Variants in COL4A3 observed in about 807,000 individuals in gnomAD.
The protein encoded by COL4A3 is collagen type IV alpha 3 chain.
A neutral mutation model predicts 217.4 loss-of-function variants in COL4A3; 135 were observed. The observed-to-expected ratio is 0.62, with a 90% CI of 0.54 to 0.72. COL4A3 has a LOEUF of 0.72. Among genes scored for constraint, COL4A3 ranks in the 30% least tolerant of loss-of-function variants. The pLI is 0.00. For synonymous variants in COL4A3, 690 were observed against 736.3 expected (o/e 0.94, Z 1.02); for missense variants, 1,868 against 2,119.9 (o/e 0.88, Z 2.33).
chr2:227,256,445 G>T (rs1282430241), intron 17 of COL4A3, 49 bp downstream of exon 17: 2 of 1,516,286 alleles, frequency 1.3e-6, no homozygotes, highest in Non-Finnish European at 1.8e-6. Flanking sequence ...TTTTGCCTGT[G>T]CTTTTACTTT....
intron 5 of COL4A3, among the ~76,000 whole-genome samples, chr2:227,245,331 C>T (rs980514313): frequency 6.6e-6 from 1 of 151,822 alleles, no homozygotes; most frequent in Admixed American, 6.6e-5. Context: ...AAAAATTGTA[C>T]AAACCTAAAA....
intron 26 of COL4A3, among the ~76,000 whole-genome samples, chr2:227,274,662 C>T (rs1047058165): frequency 2.3e-4 from 35 of 152,158 alleles, no homozygotes; most frequent in African/African-American, 7.5e-4. Flanking sequence ...CCATGCCAGG[C>T]GAATTTTTAT....
chr2:227,232,570 T>C (rs991236507), intron 1 of COL4A3, among the ~76,000 whole-genome samples: 1 of 152,210 alleles, frequency 6.6e-6, no homozygotes, highest in African/African-American at 2.4e-5. Flanking sequence ...CCATTTTAAC[T>C]GGGGTGAGAT....
intron 1 of COL4A3, among the ~76,000 whole-genome samples, chr2:227,237,612 C>A (rs2068772486): frequency 6.6e-6 from 1 of 152,034 alleles, no homozygotes; most frequent in Non-Finnish European, 1.5e-5. Flanking sequence ...TAGATATTAT[C>A]CTGAAAAAAA....
intron 1 of COL4A3, among the ~76,000 whole-genome samples, chr2:227,223,550 A>G (rs1307218232): frequency 7.7e-6 from 1 of 130,272 alleles, no homozygotes; most frequent in African/African-American, 2.6e-5. Flanking sequence ...CCTGACCAAC[A>G]TGGTGAGACG....
intron 50 of COL4A3, among the ~76,000 whole-genome samples, 174 bp from the exon 51 acceptor site, chr2:227,310,602 G>T (rs958318671): frequency 6.6e-6 from 1 of 152,178 alleles, no homozygotes; most frequent in African/African-American, 2.4e-5. Context: ...TTACAGGTGT[G>T]AGTCACTGCG....
chr2:227,303,998 T>G, intron 45 of COL4A3, 21 bp from the exon 46 acceptor site: 1 of 1,614,236 alleles, frequency 6.2e-7, no homozygotes, highest in Non-Finnish European at 8.5e-7. Flanking sequence ...CATCATCTTC[T>G]TCTTATGTTT....
At chr2:227,218,330 G>T (rs1312918016) in intron 1 of COL4A3, among the ~76,000 whole-genome samples, 1 of 151,990 alleles carries the variant, frequency 6.6e-6, no homozygotes, top group Non-Finnish European at 1.5e-5. Flanking sequence ...GCCGGGCGTG[G>T]TGGTGGGCGC....
At chr2:227,249,230 A>ATATATATTTTTTTT in intron 9 of COL4A3, among the ~76,000 whole-genome samples, 1 of 14,692 alleles carries the variant, frequency 6.8e-5, no homozygotes, top group African/African-American at 2.7e-4. Context: ...ATATATATAT[A>ATATATATTTTTTTT]TTTTTTTTTT....
intron 1 of COL4A3, among the ~76,000 whole-genome samples, chr2:227,228,289 G>C (rs1269253840): frequency 6.6e-6 from 1 of 152,236 alleles, no homozygotes; most frequent in Admixed American, 6.5e-5. Flanking sequence ...ATGGTGCCAG[G>C]GCACATGGTT....
rs950553574 is a variant in COL4A3, at chr2:227,240,223, G to GGGAC, written c.226_229dup (p.Pro77ArgfsTer54). 2 of 1,609,650 alleles carry GGGAC rather than the reference G, an allele frequency of 1.2e-6. No homozygotes were observed. The highest frequency in any genetic ancestry group is 2.7e-5 in the African/African-American group (2 of 74,854). ...GTCCTGAAGGCTTGCCTGGACCGCAGGGACCCAAGGTATGTCATCCTGCAA... is the reference window on the plus strand; with the variant it reads ...GTCCTGAAGGCTTGCCTGGACCGCAGGGACGGACCCAAGGTATGTCATCCTGCAA... On this transcript the variant is annotated frameshift_variant, in exon 3 of 52. Coordinates refer to ENST00000396578, the MANE Select transcript of COL4A3 (RefSeq NM_000091.5). LOFTEE classifies it high-confidence loss of function.
intron 1 of COL4A3, among the ~76,000 whole-genome samples, chr2:227,220,166 T>TGTGTGTG (rs528091209): frequency 3.9e-4 from 45 of 115,110 alleles, no homozygotes; most frequent in African/African-American, 1.2e-3. Context: ...GTGTGTGTGT[T>TGTGTGTG]TCAGAGACAA....
chr2:227,257,547 A>C, intron 17 of COL4A3, 56 bp from the exon 18 acceptor site: 1 of 1,437,474 alleles, frequency 7.0e-7, no homozygotes, highest in Non-Finnish European at 9.8e-7. Flanking sequence ...CTTGCTTTTT[A>C]TATGTAAATA....
chr2:227,196,476 C>T (rs2066481867), intron 1 of COL4A3, among the ~76,000 whole-genome samples: 1 of 98,244 alleles, frequency 1.0e-5, no homozygotes, highest in African/African-American at 3.9e-5. Flanking sequence ...GGCCACCATG[C>T]CTGGCTAATT....
rs1244612106 is a variant in COL4A3 at position 227,249,237 on chromosome 2, T to A, written c.546+717T>A. ...GTATATATATATATATATATTTTTT[T>A]TTTTTTTTTTTTTTTTGAGAAGGAG... On this transcript the variant is annotated intron_variant, in intron 9 of 51. Coordinates refer to ENST00000396578, the MANE Select transcript of COL4A3 (RefSeq NM_000091.5). Among the ~76,000 whole-genome samples, 9 of 75,882 alleles carry A rather than the reference T, an allele frequency of 1.2e-4. No individual in the cohort carries two copies. The East Asian group carries it at 2.0e-3, about 17-fold the overall frequency. The allele number at this position is 75,882 out of a possible 152,430, so 49.8% of individuals were successfully genotyped here.
chr2:227,245,377 A>C (rs2069270015), intron 5 of COL4A3, among the ~76,000 whole-genome samples: 1 of 152,228 alleles, frequency 6.6e-6, no homozygotes, highest in South Asian at 2.1e-4. Flanking sequence ...CATAGAATTC[A>C]CATTGTATTA....
intron 18 of COL4A3, among the ~76,000 whole-genome samples, chr2:227,258,155 G>A (rs115996032): frequency 0.011 from 1,703 of 152,300 alleles, 33 homozygotes; most frequent in African/African-American, 0.038. Flanking sequence ...TGCAGCTGAC[G>A]AAAAGGAGAA....
rs372443864 is a variant in COL4A3, at chr2:227,253,369, G to A, written c.687+32G>A. 8.4e-5 allele frequency: 135 copies of A among 1,607,642 alleles called. No individual in the cohort carries two copies. The African/African-American group carries it at 1.6e-3, about 19-fold the overall frequency. ...TAAATACTATGTTTTATTAGCAGGCGAGATATTTTATGTCCCAGAGCATAT... is the reference window on the plus strand; with the variant it reads ...TAAATACTATGTTTTATTAGCAGGCAAGATATTTTATGTCCCAGAGCATAT... On this transcript the variant is annotated intron_variant, in intron 12 of 51. Transcript: ENST00000396578. This position sits in a 1 kb window ranked among gnomAD's most constrained non-coding sequence, Gnocchi z 4.4.
chr2:227,176,324 A>G (rs2065671718), intron 1 of COL4A3, among the ~76,000 whole-genome samples: 1 of 152,234 alleles, frequency 6.6e-6, no homozygotes, highest in Admixed American at 6.5e-5. Context: ...TCCACATACC[A>G]GCGTCGGTAT....
Sources: gnomAD v4.1 joint callset for allele counts (sites outside exome capture counted in the v4.1 genomes callset) on GRCh38, gnomAD v4.1.1 for gene constraint, Gnocchi (gnomAD v3.1) non-coding constraint, MANE v1.5 for transcripts, NCBI Gene and HGNC (gene_info 2026-07-23, HGNC 2026-07-21) for gene names.